CCDC126: variants seen among roughly 807,000 people sequenced by gnomAD.
CCDC126 encodes coiled-coil domain containing 126, also known as coiled-coil domain-containing protein 126.
A neutral mutation model predicts 11.7 loss-of-function variants in CCDC126; 5 were observed. The observed-to-expected ratio is 0.43, with a 90% CI of 0.22 to 0.90. The LOEUF is 0.90. Ranked by LOEUF, CCDC126 falls within the 40% of genes least tolerant of loss-of-function variation. The probability of loss-of-function intolerance (pLI) is 0.27; values close to 1 mark genes in which losing one functional copy is unlikely to be tolerated. For missense variants in CCDC126, 150 were observed against 163.1 expected, an observed-to-expected ratio of 0.92 and a Z score of 0.44; for synonymous variants, 60 against 61.9, an observed-to-expected ratio of 0.97 and a Z score of 0.14.
chr7:23,630,300 A>AC (rs757988337), intron 3 of CCDC126, among the ~76,000 whole-genome samples: 4 of 151,478 alleles, frequency 2.6e-5, no homozygotes, highest in Non-Finnish European at 5.9e-5. Context: ...GGAGTTCAAG[A>AC]CCAGCCTGGC....
intron 3 of CCDC126, among the ~76,000 whole-genome samples, chr7:23,620,152 G>T (rs1295185933): frequency 6.6e-6 from 1 of 152,122 alleles, no homozygotes; most frequent in Non-Finnish European, 1.5e-5. Flanking sequence ...CTGAGGAATC[G>T]CCACACTGCC....
chr7:23,627,101 A>G (rs1783027760), intron 3 of CCDC126, among the ~76,000 whole-genome samples: 1 of 152,210 alleles, frequency 6.6e-6, no homozygotes, highest in South Asian at 2.1e-4. Context: ...GGTTTCCTAC[A>G]CCTGGTTCTG....
At chr7:23,605,399 TTGTGTGTGTGTGTGTGTGTGTGTGTG>T (rs3219575) in intron 2 of CCDC126, among the ~76,000 whole-genome samples, 3 of 148,944 alleles carry the variant, frequency 2.0e-5, no homozygotes, top group African/African-American at 4.9e-5. Context: ...TGTGATATGC[TTGTGTGTGTGTGTGTGTGTGTGTGTG>T]TGTGTGTGTG....
intron 3 of CCDC126, among the ~76,000 whole-genome samples, chr7:23,620,152 G>A (rs1295185933): frequency 2.0e-5 from 3 of 152,122 alleles, no homozygotes; most frequent in East Asian, 3.8e-4. Flanking sequence ...CTGAGGAATC[G>A]CCACACTGCC....
intron 2 of CCDC126, among the ~76,000 whole-genome samples, chr7:23,610,538 A>G (rs1427135373): frequency 6.6e-6 from 1 of 152,238 alleles, no homozygotes; most frequent in Non-Finnish European, 1.5e-5. Context: ...ACTTGCCGTT[A>G]AATGATCATC....
intron 3 of CCDC126, among the ~76,000 whole-genome samples, chr7:23,638,727 T>TAAAAAAAAAAAAAAAAAAAAAAA (rs70954398): frequency 1.1e-5 from 1 of 89,668 alleles, no homozygotes; most frequent in African/African-American, 4.0e-5. Flanking sequence ...AAAAAAAAAT[T>TAAAAAAAAAAAAAAAAAAAAAAA]AAAAAAAAAA....
chr7:23,611,879 C>T (rs180718506), intron 3 of CCDC126, among the ~76,000 whole-genome samples: 17 of 152,300 alleles, frequency 1.1e-4, no homozygotes, highest in East Asian at 7.7e-4. Context: ...CGTGATGGCT[C>T]ACGCCTGTAA....
intron 3 of CCDC126, among the ~76,000 whole-genome samples, chr7:23,627,309 A>G (rs1387641010): frequency 6.6e-6 from 1 of 152,010 alleles, no homozygotes; most frequent in East Asian, 1.9e-4. Context: ...TGAGGCCAGG[A>G]GTTGAGACCA....
rs1483544942 is a variant in CCDC126, at chr7:23,636,035, G to GTT, written c.239-6887_239-6886dup. Among the ~76,000 whole-genome samples, 19 of 148,748 alleles carry GTT rather than the reference G, an allele frequency of 1.3e-4. 1 individual carries two copies. Among genetic ancestry groups the GTT allele is most frequent in the African/African-American group, 3.2e-4 (13 of 40,604 alleles). On this transcript the variant is annotated intron_variant, in intron 3 of 3. Transcript: ENST00000307471. The stretch of plus-strand genomic sequence containing the variant: ...GTGCCGCCACGCCTGACTGGTTTTC[G>GTT]TTTTTTTTTTGGTGGAGACGGGGTT...
intron 3 of CCDC126, among the ~76,000 whole-genome samples, chr7:23,629,268 T>G (rs1021437081): frequency 1.3e-5 from 2 of 152,202 alleles, no homozygotes; most frequent in Admixed American, 6.5e-5. Flanking sequence ...ATTAATGCCC[T>G]TTATAAACAG....
At chr7:23,620,288 A>T in intron 3 of CCDC126, among the ~76,000 whole-genome samples, 1 of 152,154 alleles carries the variant, frequency 6.6e-6, no homozygotes, top group East Asian at 1.9e-4. Context: ...CTGGCGTGAG[A>T]TGGTATCTCA....
chr7:23,619,060 T>C (rs1782843699), intron 3 of CCDC126, among the ~76,000 whole-genome samples: 1 of 152,160 alleles, frequency 6.6e-6, no homozygotes, highest in African/African-American at 2.4e-5. Flanking sequence ...CAGCACTCAC[T>C]ACCTTCATTT....
chr7:23,629,411 CT>C (rs1783069462), intron 3 of CCDC126, among the ~76,000 whole-genome samples: 1 of 152,152 alleles, frequency 6.6e-6, no homozygotes, highest in South Asian at 2.1e-4. Context: ...ACTTTCCAGC[CT>C]CCAGAACTGT....
intron 2 of CCDC126, among the ~76,000 whole-genome samples, chr7:23,606,866 A>T (rs935674031): frequency 6.6e-6 from 1 of 151,986 alleles, no homozygotes; most frequent in African/African-American, 2.4e-5. Context: ...AGGCCAGGTG[A>T]TCACGTGATG....
chr7:23,643,238 G>A lies in CCDC126; in HGVS notation c.*123G>A, dbSNP rs11547479. 12,195 of 823,174 alleles carry A rather than the reference G, an allele frequency of 0.015. 172 individuals are homozygous for A. Among genetic ancestry groups the A allele is most frequent in the Non-Finnish European group, 0.015 (8,210 of 540,766 alleles). The allele number at this position is 823,174 out of a possible 1,614,324, so 51.0% of individuals were successfully genotyped here. On this transcript the variant is annotated 3_prime_UTR_variant, in exon 4 of 4. Coordinates refer to ENST00000307471, the MANE Select transcript of CCDC126 (RefSeq NM_138771.4). ...CAATAAAAGCTCTACACATTTTCAA[G>A]GAGTATGCTGGATTCATGGAACTCT... is the stretch of plus-strand genomic sequence containing the variant.
At chr7:23,604,330 T>C (rs1782588009) in intron 2 of CCDC126, 1 of 152,216 alleles carries the variant, frequency 6.6e-6, no homozygotes, top group South Asian at 2.1e-4. Flanking sequence ...TAAGATATAA[T>C]TATTACTATT....
rs76487461 is a variant in CCDC126 at position 23,617,017 on chromosome 7, G to A, written c.238+5464G>A. Reference sequence around the variant, plus strand: ...CTTAGCTTAATTTCCAGATCTTTACGGAGTTTTTAATCTCATCTAATATTT... The same window carrying A: ...CTTAGCTTAATTTCCAGATCTTTACAGAGTTTTTAATCTCATCTAATATTT... On this transcript the variant is annotated intron_variant, in intron 3 of 3. Coordinates refer to ENST00000307471, the MANE Select transcript of CCDC126 (RefSeq NM_138771.4). 5.9e-3 allele frequency among the ~76,000 whole-genome samples: 890 copies of A among 151,770 alleles called. 5 individuals are homozygous for A. Among genetic ancestry groups the A allele is most frequent in the Non-Finnish European group, 9.3e-3 (629 of 67,956 alleles).
Position 23,640,991 on chromosome 7 carries a change from G to GATTTTTTTTTTTTTTTTTT in CCDC126, c.239-1940_239-1939insATTTTTTTTTTTTTTTTTT, listed in dbSNP as rs754297249. Among the ~76,000 whole-genome samples the GATTTTTTTTTTTTTTTTTT allele has an allele frequency of 5.4e-5, 6 of 110,998 alleles. 1 individual carries two copies. The highest frequency in any genetic ancestry group is 3.8e-5 in the African/African-American group (1 of 26,644). 72.8% of individuals were successfully genotyped at this position (110,998 alleles called of 152,430 possible). A position where few individuals can be genotyped will look rare whatever the true frequency, so the allele number is the denominator to read the frequency against. On this transcript the variant is annotated intron_variant, in intron 3 of 3. Coordinates refer to ENST00000307471, the MANE Select transcript of CCDC126 (RefSeq NM_138771.4). ...ATCCCTCTGAGCTCTGAATCCTTTT[G>GATTTTTTTTTTTTTTTTTT]GTTTTTTTTTTTTTTTTTTTTTTTG...
chr7:23,625,760 A>G (rs1783005098), intron 3 of CCDC126, among the ~76,000 whole-genome samples: 2 of 140,870 alleles, frequency 1.4e-5, no homozygotes, highest in Admixed American at 8.0e-5. Flanking sequence ...GGTTCATGCC[A>G]TTCTCCTGCC....
Sources: gnomAD v4.1 joint callset for allele counts (sites outside exome capture counted in the v4.1 genomes callset) on GRCh38, gnomAD v4.1.1 for gene constraint, MANE v1.5 for transcripts, NCBI Gene and HGNC (gene_info 2026-07-23, HGNC 2026-07-21) for gene names.